Variants in KHDRBS2 observed in about 807,000 individuals in gnomAD.
The protein encoded by KHDRBS2 is KH RNA binding domain containing, signal transduction associated 2.
Under a neutral mutation model 44.3 loss-of-function variants are expected in KHDRBS2, and 26 were observed. That is an observed-to-expected ratio of 0.59 (90% CI 0.43 to 0.81). KHDRBS2 has a LOEUF of 0.81. KHDRBS2 is among the 40% of genes least tolerant of loss of function. The probability of loss-of-function intolerance (pLI) is 0.00; values close to 1 mark genes in which losing one functional copy is unlikely to be tolerated. For synonymous variants in KHDRBS2, 194 were observed against 151.1 expected (o/e 1.28, Z -2.08); for missense variants, 476 against 433.1 (o/e 1.10, Z -0.88).
intron 6 of KHDRBS2, among the ~76,000 whole-genome samples, chr6:61,861,427 C>A (rs1451700147): frequency 6.6e-6 from 1 of 152,106 alleles, no homozygotes; most frequent in African/African-American, 2.4e-5. Flanking sequence ...CAATTTTCTG[C>A]ATATGGCTAG....
chr6:62,236,002 A>G (rs1354161939), intron 1 of KHDRBS2, among the ~76,000 whole-genome samples: 4 of 152,084 alleles, frequency 2.6e-5, no homozygotes, highest in African/African-American at 9.6e-5. Flanking sequence ...TCAATAGTCT[A>G]TTTCTGTTTA....
At position 61,681,003 on chromosome 6, in the gene KHDRBS2, G is replaced by A. The variant is rs754655255; in HGVS notation, c.1010C>T (p.Ala337Val). 6.8e-6 allele frequency: 11 copies of A among 1,611,628 alleles called. No individual in the cohort carries two copies. Among genetic ancestry groups the A allele is most frequent in the African/African-American group, 2.7e-5 (2 of 74,720 alleles). ...GGGGTGTTCCCTGTATCCCCCTCTG[G>A]CTGACCTTTGCGGTGGTGCCTTCAA... is the stretch of plus-strand genomic sequence containing the variant. The part of the protein sequence containing the change: ...SSLKAPPQRS[A>V]RGGYREHPYG... Residue 337 changes from alanine (A) to valine (V), a missense_variant, in exon 9 of 9, where the codon GCC becomes GTC. By Grantham distance (64) the Ala-to-Val change is moderately conservative (BLOSUM62 0). Coordinates refer to ENST00000281156, the MANE Select transcript of KHDRBS2 (RefSeq NM_152688.4).
chr6:61,661,078 A>C, the KHDRBS2 span, among the ~76,000 whole-genome samples: 1 of 151,840 alleles, frequency 6.6e-6, no homozygotes, highest in East Asian at 1.9e-4. Context: ...CCACATTACC[A>C]CTATGCTGCT....
the KHDRBS2 span, among the ~76,000 whole-genome samples, chr6:61,629,327 C>A: frequency 6.6e-6 from 1 of 152,138 alleles, no homozygotes; most frequent in African/African-American, 2.4e-5. Flanking sequence ...TCCCAAACAT[C>A]ATTTAAGCAA....
chr6:61,587,712 A>C, the KHDRBS2 span, among the ~76,000 whole-genome samples: 1 of 152,074 alleles, frequency 6.6e-6, no homozygotes, highest in Non-Finnish European at 1.5e-5. Context: ...AGAACAATGG[A>C]TTGGTTAACT....
At chr6:61,825,562 A>T (rs1361526379) in intron 6 of KHDRBS2, among the ~76,000 whole-genome samples, 1 of 152,210 alleles carries the variant, frequency 6.6e-6, no homozygotes, top group East Asian at 1.9e-4. Context: ...AAATGAACGC[A>T]GTTAAGAGGG....
chr6:61,732,167 A>C, intron 7 of KHDRBS2, among the ~76,000 whole-genome samples: 1 of 152,086 alleles, frequency 6.6e-6, no homozygotes, highest in South Asian at 2.1e-4. Flanking sequence ...AGACATAAAA[A>C]ATCATTTATA....
rs140413075 is a variant in KHDRBS2, at chr6:62,103,524, T to A, written c.220-55530A>T. ...GAATGGCAACAGGCACTTCTTAGCCTGCGAAAGCAGGGAGCTTCCCGCCCC... is the reference window on the plus strand; with the variant it reads ...GAATGGCAACAGGCACTTCTTAGCCAGCGAAAGCAGGGAGCTTCCCGCCCC... On this transcript the variant is annotated intron_variant, in intron 2 of 8. Transcript: ENST00000281156. 3.1e-4 allele frequency among the ~76,000 whole-genome samples: 47 copies of A among 151,806 alleles called. No homozygotes were observed. In the East Asian group the frequency reaches 8.6e-3, roughly 28 times the overall value.
intron 2 of KHDRBS2, among the ~76,000 whole-genome samples, chr6:62,066,336 C>T (rs1269289969): frequency 6.6e-6 from 1 of 151,646 alleles, no homozygotes; most frequent in Non-Finnish European, 1.5e-5. Flanking sequence ...TGCACAATTC[C>T]ATTTTTATCT....
chr6:62,265,975 C>T (rs1839141828), intron 1 of KHDRBS2, among the ~76,000 whole-genome samples: 1 of 151,998 alleles, frequency 6.6e-6, no homozygotes, highest in Non-Finnish European at 1.5e-5. Flanking sequence ...CAATAAAGAA[C>T]AGCATTATTC....
intron 2 of KHDRBS2, among the ~76,000 whole-genome samples, chr6:62,119,058 G>C (rs1226022450): frequency 2.0e-5 from 3 of 152,142 alleles, no homozygotes; most frequent in African/African-American, 7.2e-5. Flanking sequence ...ACCAGAAGTG[G>C]TTCTAGAGGA....
At chr6:61,925,903 T>TA (rs1341633724) in intron 4 of KHDRBS2, among the ~76,000 whole-genome samples, 2 of 152,120 alleles carry the variant, frequency 1.3e-5, no homozygotes. Flanking sequence ...ACTTATTAGA[T>TA]ACTAGGCATT....
the KHDRBS2 span, among the ~76,000 whole-genome samples, chr6:61,588,205 A>G: frequency 6.6e-6 from 1 of 152,134 alleles, no homozygotes. Flanking sequence ...CTGCTTGTTC[A>G]CTTTGTAAAT....
chr6:61,791,172 G>A (rs1289690508), intron 6 of KHDRBS2, among the ~76,000 whole-genome samples: 3 of 150,992 alleles, frequency 2.0e-5, no homozygotes, highest in Non-Finnish European at 4.5e-5. Context: ...GAAATTTATT[G>A]CCATTATTTA....
chr6:62,103,341 C>T (rs554219845), intron 2 of KHDRBS2, among the ~76,000 whole-genome samples: 18 of 152,292 alleles, frequency 1.2e-4, no homozygotes, highest in African/African-American at 3.4e-4. Context: ...CCTGGCCTGT[C>T]GCTCATGCTA....
In KHDRBS2 at chr6:62,256,700, A is replaced by T. The variant is rs574412777; in HGVS notation, c.91+29158T>A. ...AGAAGAATTTAAATTATTCCTCTCA[A>T]AAACTGCCAGAGGGGCAGCATTGTT... On this transcript the variant is annotated intron_variant, in intron 1 of 8. Coordinates refer to ENST00000281156, the MANE Select transcript of KHDRBS2 (RefSeq NM_152688.4). Among the ~76,000 whole-genome samples, 4 of 152,200 alleles carry T rather than the reference A, an allele frequency of 2.6e-5. No homozygotes were observed. The East Asian group carries it at 7.7e-4, about 29-fold the overall frequency.
At chr6:62,120,961 T>C (rs1220955981) in intron 2 of KHDRBS2, among the ~76,000 whole-genome samples, 2 of 152,110 alleles carry the variant, frequency 1.3e-5, no homozygotes, top group Non-Finnish European at 2.9e-5. Context: ...TTTTTGGGGA[T>C]TATTGTACAC....
At chr6:62,158,787 T>C (rs915353407) in intron 2 of KHDRBS2, among the ~76,000 whole-genome samples, 13 of 152,154 alleles carry the variant, frequency 8.5e-5, no homozygotes, top group Admixed American at 7.9e-4. Context: ...TTGCTCCATG[T>C]TTTAAAAATA....
intron 1 of KHDRBS2, among the ~76,000 whole-genome samples, chr6:62,209,505 A>G (rs1585214572): frequency 6.6e-6 from 1 of 152,204 alleles, no homozygotes; most frequent in East Asian, 1.9e-4. Flanking sequence ...CTACCATGTT[A>G]CCATTATAAA....
Sources: gnomAD v4.1 joint callset for allele counts (sites outside exome capture counted in the v4.1 genomes callset) on GRCh38, gnomAD v4.1.1 for gene constraint, MANE v1.5 for transcripts, NCBI Gene and HGNC (gene_info 2026-07-23, HGNC 2026-07-21) for gene names.